Variants in SYNRG observed in about 807,000 individuals in gnomAD.
SYNRG encodes AP1 gamma subunit binding protein 1.
A neutral mutation model predicts 130.9 loss-of-function variants in SYNRG; 37 were observed. The observed-to-expected ratio is 0.28, with a 90% CI of 0.22 to 0.37. SYNRG has a LOEUF of 0.37. SYNRG is among the 10% of genes least tolerant of loss of function. The pLI, the probability that SYNRG is intolerant of heterozygous loss-of-function variation, is 1.00. For missense variants in SYNRG, 1,338 were observed against 1,588.9 expected (o/e 0.84, Z 2.68); for synonymous variants, 539 against 568.1 (o/e 0.95, Z 0.73).
intron 1 of SYNRG, among the ~76,000 whole-genome samples, chr17:37,604,240 TA>T (rs202156948): frequency 0.73 from 103,560 of 142,136 alleles, 37,742 homozygotes; most frequent in African/African-American, 0.88. Flanking sequence ...ACTCTGTCTA[TA>T]AAAAAAAAAA....
rs796433166 is a variant in SYNRG, at chr17:37,539,374, GT to G, written c.3367-130del. The G allele has an allele frequency of 9.1e-4, 895 of 984,588 alleles. 2 individuals carry two copies. The African/African-American group carries it at 0.012, about 13-fold the overall frequency. 61.0% of individuals were successfully genotyped at this position (984,588 alleles called of 1,614,324 possible). A position where few individuals can be genotyped will look rare whatever the true frequency, so the allele number is the denominator to read the frequency against. ...GATCACTCTAGTTCAAGCAGTTTAT[GT>G]TTTTTTTGTTTTTGTTTTTGTTTTG... On this transcript the variant is annotated intron_variant, in intron 16 of 21. Coordinates refer to ENST00000612223, the MANE Select transcript of SYNRG (RefSeq NM_007247.6).
chr17:37,550,906 G>A lies in SYNRG; in HGVS notation c.2608+2209C>T, dbSNP rs180889618. ...CAGTGCCGCAGATTAAATTTAGTCA[G>A]GGGGAAAAAACAGCCTAGTTGAAAT... On this transcript the variant is annotated intron_variant, in intron 14 of 21. Transcript: ENST00000612223. Among the ~76,000 whole-genome samples the A allele has an allele frequency of 3.8e-3, 586 of 152,218 alleles. 4 individuals carry two copies. Among genetic ancestry groups the A allele is most frequent in the African/African-American group, 0.013 (559 of 41,544 alleles).
chr17:37,520,250 C>T, intron 20 of SYNRG, 36 bp from the exon 21 acceptor site: 1 of 1,613,886 alleles, frequency 6.2e-7, no homozygotes, highest in African/African-American at 1.3e-5. Flanking sequence ...CAACAACATT[C>T]CCAGAACAGG....
At chr17:37,566,885 G>C (rs1018004235) in intron 11 of SYNRG, 3 of 152,000 alleles carry the variant, frequency 2.0e-5, no homozygotes, top group Admixed American at 6.6e-5. Context: ...ACATATGATG[G>C]GGCCAAGCAC....
At chr17:37,594,416 G>A (rs1229254742) in intron 3 of SYNRG, among the ~76,000 whole-genome samples, 3 of 147,360 alleles carry the variant, frequency 2.0e-5, no homozygotes, top group African/African-American at 7.4e-5. Context: ...AAAATACATT[G>A]TATTCTATGG....
chr17:37,565,665 T>C (rs2059893218), intron 11 of SYNRG, among the ~76,000 whole-genome samples: 1 of 145,974 alleles, frequency 6.9e-6, no homozygotes, highest in Non-Finnish European at 1.5e-5. Context: ...CCACCCATCG[T>C]CTGAGATGTG....
chr17:37,594,497 C>T (rs1309710752), intron 3 of SYNRG, among the ~76,000 whole-genome samples: 1 of 136,798 alleles, frequency 7.3e-6, no homozygotes, highest in Non-Finnish European at 1.5e-5. Context: ...GAATCTCACT[C>T]TGTCGCCCAG....
chr17:37,600,334 A>T, intron 2 of SYNRG, 29 bp downstream of exon 2: 1 of 1,556,326 alleles, frequency 6.4e-7, no homozygotes. Flanking sequence ...AGTGAAAAAT[A>T]AAAGTTCAAA....
intron 16 of SYNRG, among the ~76,000 whole-genome samples, chr17:37,539,649 G>A (rs1215697084): frequency 6.6e-6 from 1 of 152,200 alleles, no homozygotes; most frequent in African/African-American, 2.4e-5. Flanking sequence ...GAGATTACAG[G>A]CATGAGCCAC....
chr17:37,574,326 C>A (rs2146108439), intron 8 of SYNRG, among the ~76,000 whole-genome samples: 1 of 152,300 alleles, frequency 6.6e-6, no homozygotes, highest in East Asian at 1.9e-4. Context: ...TGGGGAAACT[C>A]TCCAGGACAT....
intron 2 of SYNRG, among the ~76,000 whole-genome samples, chr17:37,598,238 T>C (rs891465027): frequency 4.0e-5 from 6 of 151,762 alleles, no homozygotes; most frequent in African/African-American, 1.5e-4. Flanking sequence ...GGGAATGGAG[T>C]GGTTGCTATT....
rs575274880 is a variant in SYNRG at position 37,564,099 on chromosome 17, G to A, written c.1482-2510C>T. On this transcript the variant is annotated intron_variant, in intron 11 of 21. Transcript: ENST00000612223. ...CCTGACCTCAGATGATGTCTGCCTCGGTCTCCCAAAGTGCTGGGATTACAG... is the reference window on the plus strand; with the variant it reads ...CCTGACCTCAGATGATGTCTGCCTCAGTCTCCCAAAGTGCTGGGATTACAG... 2.0e-5 allele frequency among the ~76,000 whole-genome samples: 3 copies of A among 151,910 alleles called. No homozygotes were observed. In the East Asian group the frequency reaches 5.8e-4, roughly 29 times the overall value.
intron 1 of SYNRG, among the ~76,000 whole-genome samples, chr17:37,601,923 A>C (rs969187407): frequency 2.6e-5 from 4 of 151,810 alleles, no homozygotes; most frequent in African/African-American, 9.7e-5. Flanking sequence ...TTGGCCTCCC[A>C]AAGTGCTGGG....
intron 19 of SYNRG, among the ~76,000 whole-genome samples, chr17:37,534,180 T>C (rs2056970693): frequency 6.6e-6 from 1 of 150,612 alleles, no homozygotes; most frequent in African/African-American, 2.4e-5. Context: ...CTGGCCTCAA[T>C]TGTTCTGCCC....
chr17:37,595,454 A>G (rs2062677469), intron 3 of SYNRG, among the ~76,000 whole-genome samples: 1 of 152,214 alleles, frequency 6.6e-6, no homozygotes, highest in Admixed American at 6.5e-5. Flanking sequence ...CTGGGTGCAC[A>G]TGGACATAAA....
At chr17:37,570,183 G>A (rs551546369) in intron 10 of SYNRG, among the ~76,000 whole-genome samples, 132 of 110,564 alleles carry the variant, frequency 1.2e-3, no homozygotes, top group African/African-American at 4.0e-3. Context: ...GTCTCCTTCT[G>A]TTGCCAAGCA....
intron 1 of SYNRG, chr17:37,605,907 A>G (rs2063708102): frequency 1.0e-6 from 1 of 985,308 alleles, no homozygotes; most frequent in Admixed American, 6.1e-5. Context: ...CTAAACTCCT[A>G]CATAAAGACT....
intron 19 of SYNRG, among the ~76,000 whole-genome samples, chr17:37,523,730 C>T (rs1159506531): frequency 6.6e-6 from 1 of 152,126 alleles, no homozygotes; most frequent in African/African-American, 2.4e-5. Context: ...ATTGTCTCCA[C>T]CAGCACACAG....
chr17:37,581,852 C>G (rs893870823), intron 6 of SYNRG, among the ~76,000 whole-genome samples: 1 of 151,558 alleles, frequency 6.6e-6, no homozygotes, highest in South Asian at 2.1e-4. Context: ...GCAACCTCTG[C>G]CTCCTGGGTT....
Sources: allele counts gnomAD v4.1 joint callset (sites outside exome capture counted in the v4.1 genomes callset), GRCh38; gene constraint gnomAD v4.1.1; transcripts MANE v1.5; gene names NCBI Gene and HGNC (gene_info 2026-07-23, HGNC 2026-07-21).